The following CNTNAP2 variants were observed in gnomAD, a reference collection of about 807,000 sequenced individuals.
The protein encoded by CNTNAP2 is contactin-associated protein-like 2.
CNTNAP2 carries 98 observed loss-of-function variants against 155.2 expected under a neutral mutation model. The observed-to-expected ratio is 0.63, with a 90% CI of 0.54 to 0.75. CNTNAP2 has a LOEUF of 0.75. Ranked by LOEUF, CNTNAP2 falls within the 30% of genes least tolerant of loss-of-function variation. CNTNAP2 has a pLI of 0.00. For synonymous variants in CNTNAP2, 651 were observed against 631.2 expected (o/e 1.03, Z -0.47); for missense variants, 1,727 against 1,688.1 (o/e 1.02, Z -0.40).
chr7:147,348,642 G>A (rs893282120), intron 9 of CNTNAP2, among the ~76,000 whole-genome samples: 1 of 151,838 alleles, frequency 6.6e-6, no homozygotes, highest in African/African-American at 2.4e-5. Flanking sequence ...CCTACTAATG[G>A]GCGTTTATCC....
intron 1 of CNTNAP2, among the ~76,000 whole-genome samples, chr7:146,217,349 C>G (rs753234410): frequency 7.9e-5 from 12 of 152,132 alleles, no homozygotes; most frequent in Non-Finnish European, 1.3e-4. Context: ...TATGACAATC[C>G]TGTGAAATAG....
chr7:148,359,950 C>T (rs1798584713), intron 21 of CNTNAP2, among the ~76,000 whole-genome samples: 1 of 152,102 alleles, frequency 6.6e-6, no homozygotes, highest in Non-Finnish European at 1.5e-5. Context: ...GTGAAAAATA[C>T]AATAAAATTT....
rs116985255 is a variant in CNTNAP2, at chr7:146,868,010, C to T, written c.402+28106C>T. On this transcript the variant is annotated intron_variant, in intron 3 of 23. Transcript: ENST00000361727. ...TTGATAGTTTCTTTTGCTGCAGAAA[C>T]GCTCTTAAGTTTAATTAGATCCCAC... 8.2e-4 allele frequency among the ~76,000 whole-genome samples: 125 copies of T among 152,110 alleles called. 2 individuals are homozygous for T. The East Asian group carries it at 0.019, about 23-fold the overall frequency.
intron 13 of CNTNAP2, among the ~76,000 whole-genome samples, chr7:147,668,898 A>C (rs1185081883): frequency 1.3e-5 from 2 of 152,044 alleles, no homozygotes; most frequent in East Asian, 1.9e-4. Flanking sequence ...TCACTGACTC[A>C]CTCAGAGCAA....
intron 1 of CNTNAP2, among the ~76,000 whole-genome samples, chr7:146,241,708 T>G (rs1028558937): frequency 3.3e-5 from 5 of 152,128 alleles, no homozygotes; most frequent in Non-Finnish European, 5.9e-5. Context: ...GCCCATAGTT[T>G]TTTCCTGGTG....
chr7:148,157,165 G>C (rs1805414753), intron 17 of CNTNAP2, among the ~76,000 whole-genome samples: 1 of 152,080 alleles, frequency 6.6e-6, no homozygotes, highest in Non-Finnish European at 1.5e-5. Flanking sequence ...CATTTACATA[G>C]GGCATATACC....
At position 147,795,777 on chromosome 7, in the gene CNTNAP2, T is replaced by C. The variant is rs531670953; in HGVS notation, c.2099-107788T>C. 2.3e-3 allele frequency among the ~76,000 whole-genome samples: 357 copies of C among 152,314 alleles called. 1 individual carries two copies. The highest frequency in any genetic ancestry group is 8.2e-3 in the African/African-American group (341 of 41,588). On this transcript the variant is annotated intron_variant, in intron 13 of 23. Transcript: ENST00000361727. ...GTTGAATGATCATGGAATATTCATA[T>C]AACCTCTCTTGGACTTATTTTCTGA...
At chr7:146,985,220 T>C (rs1206090842) in intron 3 of CNTNAP2, among the ~76,000 whole-genome samples, 2 of 151,910 alleles carry the variant, frequency 1.3e-5, no homozygotes, top group Non-Finnish European at 2.9e-5. Context: ...AAACTCCAGT[T>C]CATTACATCA....
chr7:146,826,015 C>CT (rs1195647804), intron 2 of CNTNAP2, among the ~76,000 whole-genome samples: 1 of 151,958 alleles, frequency 6.6e-6, no homozygotes, highest in African/African-American at 2.4e-5. Context: ...AAGTACATTT[C>CT]TTTTTTGCTA....
intron 7 of CNTNAP2, among the ~76,000 whole-genome samples, chr7:147,130,585 A>T (rs763347499): frequency 1.3e-5 from 2 of 152,232 alleles, no homozygotes; most frequent in Admixed American, 6.6e-5. Context: ...CAAAATATAC[A>T]TACATACAGA....
intron 1 of CNTNAP2, among the ~76,000 whole-genome samples, chr7:146,588,594 C>A (rs1798733827): frequency 6.6e-6 from 1 of 151,914 alleles, no homozygotes; most frequent in African/African-American, 2.4e-5. Context: ...GCAGTCTCGA[C>A]CTCCCCAAGC....
intron 14 of CNTNAP2, 38 bp downstream of exon 14, chr7:147,903,759 C>A (rs1051139980): frequency 1.9e-6 from 3 of 1,608,114 alleles, no homozygotes; most frequent in Middle Eastern, 1.7e-4. Flanking sequence ...GCTCACCCTC[C>A]CAGTGTGCCT....
At chr7:146,721,542 A>G (rs1468903119) in intron 1 of CNTNAP2, among the ~76,000 whole-genome samples, 3 of 111,614 alleles carry the variant, frequency 2.7e-5, no homozygotes, top group African/African-American at 5.2e-5. Context: ...TATACATTCT[A>G]TATATATTCT....
intron 14 of CNTNAP2, among the ~76,000 whole-genome samples, chr7:147,923,827 A>G (rs1014305936): frequency 6.6e-6 from 1 of 152,036 alleles, no homozygotes; most frequent in Non-Finnish European, 1.5e-5. Context: ...CACCATGCGT[A>G]GCCTCCTAGA....
At chr7:146,953,664 A>T (rs1024669196) in intron 3 of CNTNAP2, among the ~76,000 whole-genome samples, 1 of 151,944 alleles carries the variant, frequency 6.6e-6, no homozygotes, top group African/African-American at 2.4e-5. Context: ...CTGGCCCCCA[A>T]ATGGCTATGA....
chr7:146,347,395 T>C (rs1471694827), intron 1 of CNTNAP2, among the ~76,000 whole-genome samples: 3 of 152,134 alleles, frequency 2.0e-5, no homozygotes, highest in Admixed American at 6.5e-5. Flanking sequence ...ACCAGAATCA[T>C]AGGTTACTGA....
At chr7:147,642,385 A>G (rs573461552) in intron 13 of CNTNAP2, among the ~76,000 whole-genome samples, 1 of 152,312 alleles carries the variant, frequency 6.6e-6, no homozygotes, top group East Asian at 1.9e-4. Flanking sequence ...CTTACGGTTG[A>G]GGTACCAGGA....
chr7:147,078,457 C>G (rs963411294), intron 4 of CNTNAP2, among the ~76,000 whole-genome samples: 7 of 152,082 alleles, frequency 4.6e-5, no homozygotes, highest in Non-Finnish European at 1.5e-5. Context: ...TGTTTTTCTC[C>G]CATCTCATGC....
At chr7:146,280,194 C>G (rs1006301366) in intron 1 of CNTNAP2, among the ~76,000 whole-genome samples, 5 of 151,956 alleles carry the variant, frequency 3.3e-5, no homozygotes, top group Non-Finnish European at 5.9e-5. Flanking sequence ...CAGGAAACTC[C>G]AAAATTCAGC....
Sources: allele counts gnomAD v4.1 joint callset (sites outside exome capture counted in the v4.1 genomes callset), GRCh38; gene constraint gnomAD v4.1.1; transcripts MANE v1.5; gene names NCBI Gene and HGNC (gene_info 2026-07-23, HGNC 2026-07-21).